Variants in TEN1 observed in about 807,000 individuals in gnomAD.
TEN1 encodes the protein TEN1 subunit of CST complex.
In TEN1, 6 loss-of-function variants were observed where a neutral mutation model predicts 9.3. The observed-to-expected ratio is 0.65, with a 90% CI of 0.35 to 1.27. TEN1 has a LOEUF of 1.27. TEN1 is among the 50% of genes most tolerant of loss of function. The probability of loss-of-function intolerance (pLI) is 0.03; values close to 1 mark genes in which losing one functional copy is unlikely to be tolerated. For synonymous variants in TEN1, 65 were observed against 65.6 expected, an observed-to-expected ratio of 0.99 and a Z score of 0.04; for missense variants, 149 against 158.2, an observed-to-expected ratio of 0.94 and a Z score of 0.31.
chr17:75,987,242 C>T (rs980870453), intron 2 of TEN1, among the ~76,000 whole-genome samples: 3 of 152,208 alleles, frequency 2.0e-5, no homozygotes, highest in African/African-American at 7.2e-5. Context: ...AGATGTTGGC[C>T]AGGGCTGCAG....
At chr17:75,986,935 C>G (rs1386742574) in intron 2 of TEN1, among the ~76,000 whole-genome samples, 1 of 151,980 alleles carries the variant, frequency 6.6e-6, no homozygotes, top group African/African-American at 2.4e-5. Context: ...TACATATATA[C>G]TCTGTCAGTT....
chr17:75,988,312 G>A (rs1265575669), intron 2 of TEN1, among the ~76,000 whole-genome samples: 2 of 151,310 alleles, frequency 1.3e-5, no homozygotes, highest in African/African-American at 4.9e-5. Flanking sequence ...TGTGATCCTA[G>A]CACTTTGGGA....
intron 2 of TEN1, among the ~76,000 whole-genome samples, chr17:75,988,079 A>C (rs2066163057): frequency 6.6e-6 from 1 of 151,322 alleles, no homozygotes; most frequent in African/African-American, 2.4e-5. Flanking sequence ...GTCTCTATAA[A>C]AAATACAAAA....
chr17:75,986,275 C>T lies in TEN1; in HGVS notation c.83C>T (p.Thr28Ile), dbSNP rs1392752852. ...GTTCCTGATGGGAGCACGCTGAGAA[C>T]ATTTGGCAGGTGAGAACGGTTATTT... ...GQVPDGSTLR[T>I]FGRLCLYDMI... Residue 28 changes from threonine to isoleucine, a missense_variant, in exon 2 of 4, where the codon ACA (threonine) becomes ATA (isoleucine). Coordinates refer to ENST00000397640, the MANE Select transcript of TEN1 (RefSeq NM_001113324.3). 2.6e-6 allele frequency: 4 copies of T among 1,546,884 alleles called. No homozygotes were observed. The highest frequency in any genetic ancestry group is 2.5e-5 in the East Asian group (1 of 40,656).
chr17:75,986,650 G>A (rs1052457458), intron 2 of TEN1, among the ~76,000 whole-genome samples: 3 of 151,782 alleles, frequency 2.0e-5, no homozygotes, highest in Non-Finnish European at 4.4e-5. Context: ...GTAGCGAGCC[G>A]AAATCGCGCC....
chr17:75,981,621 GTCC>G (rs2066120820), intron 1 of TEN1, among the ~76,000 whole-genome samples: 1 of 135,478 alleles, frequency 7.4e-6, no homozygotes. Context: ...TTTACCTTCT[GTCC>G]TCCTCTCCCT....
intron 2 of TEN1, among the ~76,000 whole-genome samples, chr17:75,989,503 C>G (rs1375675501): frequency 6.6e-6 from 1 of 151,790 alleles, no homozygotes; most frequent in Non-Finnish European, 1.5e-5. Flanking sequence ...CCTCCAACTC[C>G]CTGGTTCAAG....
At chr17:75,980,347 AAAAAC>A (rs1277106808) in intron 1 of TEN1, among the ~76,000 whole-genome samples, 1 of 152,182 alleles carries the variant, frequency 6.6e-6, no homozygotes, top group African/African-American at 2.4e-5. Flanking sequence ...TCTACAGAAA[AAAAAC>A]AAAAAACAAA....
At chr17:75,991,326 G>A (rs773571492) in intron 2 of TEN1, 140 bp from the exon 3 acceptor site, 33 of 845,118 alleles carry the variant, frequency 3.9e-5, no homozygotes, top group Non-Finnish European at 5.4e-5. Flanking sequence ...TTTTTTTCTG[G>A]TTTGTTGCTG....
At chr17:75,999,958 T>C (rs2066243524) in intron 3 of TEN1, among the ~76,000 whole-genome samples, 183 bp from the exon 4 acceptor site, 1 of 152,126 alleles carries the variant, frequency 6.6e-6, no homozygotes, top group South Asian at 2.1e-4. Context: ...CGACTGTGCA[T>C]GACAGGCCCA....
At chr17:75,989,502 C>A (rs1338011787) in intron 2 of TEN1, among the ~76,000 whole-genome samples, 1 of 151,796 alleles carries the variant, frequency 6.6e-6, no homozygotes, top group African/African-American at 2.4e-5. Context: ...ACCTCCAACT[C>A]CCTGGTTCAA....
chr17:75,990,791 G>GAAAA (rs34463013), intron 2 of TEN1, among the ~76,000 whole-genome samples: 6 of 123,422 alleles, frequency 4.9e-5, no homozygotes, highest in African/African-American at 8.3e-5. Flanking sequence ...CTGGGATACA[G>GAAAA]AAAAAAAAAA....
At position 75,986,281 on chromosome 17, in the gene TEN1, G is replaced by A; in HGVS notation, c.89G>A (p.Gly30Asp). ...VPDGSTLRTFGRLCLYDMIQS... is the reference protein window; with the variant it reads ...VPDGSTLRTFDRLCLYDMIQS... Reference sequence around the variant, plus strand: ...GATGGGAGCACGCTGAGAACATTTGGCAGGTGAGAACGGTTATTTTTTTCA... The same window carrying A: ...GATGGGAGCACGCTGAGAACATTTGACAGGTGAGAACGGTTATTTTTTTCA... Residue 30 changes from glycine (G) to aspartate (D), a missense_variant, in exon 2 of 4, where the codon GGC (glycine) becomes GAC (aspartate). Gly to Asp is a moderately conservative substitution (Grantham distance 94). Transcript: ENST00000397640. The A allele has an allele frequency of 6.5e-7, 1 of 1,545,874 alleles. No homozygotes were observed. The highest frequency in any genetic ancestry group is 8.7e-7 in the Non-Finnish European group (1 of 1,144,274).
Position 76,000,074 on chromosome 17 carries a change from T to C in TEN1, c.251-67T>C. The C allele has an allele frequency of 6.6e-7, 1 of 1,523,740 alleles. No homozygotes were observed. The highest frequency in any genetic ancestry group is 2.0e-5 in the Admixed American group (1 of 49,452). 94.4% of individuals were successfully genotyped at this position (1,523,740 alleles called of 1,614,324 possible). A position where few individuals can be genotyped will look rare whatever the true frequency, so the allele number is the denominator to read the frequency against. On this transcript the variant is annotated intron_variant, in intron 3 of 3. Transcript: ENST00000397640. The surrounding 1 kb of genome is among the most constrained non-coding windows in gnomAD (Gnocchi z 5.9). ...TGAGCTGTGGAGGGAACAGCTGGAA[T>C]GCACCTTGGAGGACGTTGTTGACAC...
Position 75,985,877 on chromosome 17 carries a change from T to TG in TEN1, c.-6-310_-6-309insG, listed in dbSNP as rs1053423929. 3.9e-4 allele frequency among the ~76,000 whole-genome samples: 20 copies of TG among 51,860 alleles called. No homozygotes were observed. In the African/African-American group the frequency reaches 0.015, roughly 39 times the overall value. 34.0% of individuals were successfully genotyped at this position (51,860 alleles called of 152,430 possible). On this transcript the variant is annotated intron_variant, in intron 1 of 3. Coordinates refer to ENST00000397640, the MANE Select transcript of TEN1 (RefSeq NM_001113324.3). ...ATGAATGTATATTATATCAAAAAAA[T>TG]TTTTTCTTTTTTATATATATTTTTT...
intron 2 of TEN1, among the ~76,000 whole-genome samples, chr17:75,991,166 AAAG>A (rs2066183405): frequency 2.0e-5 from 3 of 150,148 alleles, no homozygotes; most frequent in African/African-American, 7.4e-5. Context: ...AAAAAAAAAA[AAAG>A]AAAAAAGAAA....
intron 3 of TEN1, among the ~76,000 whole-genome samples, chr17:75,999,330 C>T (rs568122124): frequency 4.4e-4 from 67 of 152,106 alleles, no homozygotes; most frequent in Non-Finnish European, 8.8e-4. Flanking sequence ...GACAGAGCAA[C>T]ACCCTGTCTC....
intron 3 of TEN1, among the ~76,000 whole-genome samples, chr17:75,992,802 GTTTTTTTT>G (rs557899982): frequency 8.2e-6 from 1 of 122,118 alleles, no homozygotes; most frequent in African/African-American, 3.1e-5. Context: ...GTGAGCCACC[GTTTTTTTT>G]TTTTTTTTTA....
chr17:76,000,349 C>A lies in TEN1; in HGVS notation c.*87C>A. ...AGCCCGGGAGAGCACAGACGCCTCC[C>A]CAGCGACGGCCTTGTCTGGAGCTCG... On this transcript the variant is annotated 3_prime_UTR_variant, in exon 4 of 4. Transcript: ENST00000397640. This position sits in a 1 kb window ranked among gnomAD's most constrained non-coding sequence, Gnocchi z 5.9. 6.9e-7 allele frequency: 1 copy of A among 1,450,952 alleles called. No homozygotes were observed. Among genetic ancestry groups the A allele is most frequent in the East Asian group, 2.6e-5 (1 of 38,866 alleles). The allele number at this position is 1,450,952 out of a possible 1,614,324, so 89.9% of individuals were successfully genotyped here.
Sources: gnomAD v4.1 joint callset for allele counts (sites outside exome capture counted in the v4.1 genomes callset) on GRCh38, gnomAD v4.1.1 for gene constraint, Gnocchi (gnomAD v3.1) non-coding constraint, MANE v1.5 for transcripts, NCBI Gene and HGNC (gene_info 2026-07-23, HGNC 2026-07-21) for gene names.